NSL1: variants seen among roughly 807,000 people sequenced by gnomAD.
NSL1 encodes the protein kinetochore-associated protein NSL1 homolog.
A neutral mutation model predicts 25.4 loss-of-function variants in NSL1; 11 were observed. The ratio of observed to expected loss-of-function variants is 0.43; its 90% CI spans 0.27 to 0.72. The LOEUF (loss-of-function observed/expected upper bound fraction) is 0.72, where lower values mean the gene tolerates loss of function less well. NSL1 is among the 30% of genes least tolerant of loss of function. NSL1 has a pLI of 0.19. For synonymous variants in NSL1, 118 were observed against 120.6 expected (o/e 0.98, Z 0.14); for missense variants, 330 against 342.7 (o/e 0.96, Z 0.29).
chr1:212,731,422 C>T lies in NSL1; in HGVS notation c.*6986G>A. The stretch of plus-strand genomic sequence containing the variant: ...AATAAACTAGCCGGGCATGGTGGCA[C>T]ACGCCTGTTTTGAAACCCTGAGAAA... On this transcript the variant is annotated 3_prime_UTR_variant, in exon 6 of 6. Transcript: ENST00000366977. 1.0e-6 allele frequency: 1 copy of T among 985,260 alleles called. No individual in the cohort carries two copies. The highest frequency in any genetic ancestry group is 1.2e-6 in the Non-Finnish European group (1 of 829,862). The allele number at this position is 985,260 out of a possible 1,614,324, so 61.0% of individuals were successfully genotyped here.
At chr1:212,747,037 A>G (rs1658827663) in intron 4 of NSL1, among the ~76,000 whole-genome samples, 1 of 151,804 alleles carries the variant, frequency 6.6e-6, no homozygotes, top group Non-Finnish European at 1.5e-5. Flanking sequence ...CCCAGCTACA[A>G]GGGAGGCTGA....
Position 212,737,083 on chromosome 1 carries a change from C to A in NSL1, c.*1325G>T, listed in dbSNP as rs115135830. On this transcript the variant is annotated 3_prime_UTR_variant, in exon 6 of 6. Transcript: ENST00000366977. ...AACTGAAGTCTAGTATGTTCAGAAA[C>A]GCAGGGTGCTGACCCACCATCCAAC... The A allele has an allele frequency of 1.0e-6, 1 of 985,258 alleles. No homozygotes were observed. The highest frequency in any genetic ancestry group is 6.1e-5 in the Admixed American group (1 of 16,264). 61.0% of individuals were successfully genotyped at this position (985,258 alleles called of 1,614,324 possible). A position where few individuals can be genotyped will look rare whatever the true frequency, so the allele number is the denominator to read the frequency against.
In NSL1 at chr1:212,736,406, T is replaced by C. The variant is rs905488317; in HGVS notation, c.*2002A>G. The C allele has an allele frequency of 2.0e-6, 2 of 985,106 alleles. No homozygotes were observed. The highest frequency in any genetic ancestry group is 6.1e-5 in the Admixed American group (1 of 16,274). 61.0% of individuals were successfully genotyped at this position (985,106 alleles called of 1,614,324 possible). On this transcript the variant is annotated 3_prime_UTR_variant, in exon 6 of 6. Transcript: ENST00000366977. Reference sequence around the variant, plus strand: ...TAGAGCAAGATTTGATTTTCAATTTTTTCCTTCAACCTTTCCAATTCCTTA... The same window carrying C: ...TAGAGCAAGATTTGATTTTCAATTTCTTCCTTCAACCTTTCCAATTCCTTA...
At chr1:212,754,275 A>G (rs1433995950) in intron 4 of NSL1, among the ~76,000 whole-genome samples, 1 of 152,218 alleles carries the variant, frequency 6.6e-6, no homozygotes, top group African/African-American at 2.4e-5. Flanking sequence ...ATTTCAATGA[A>G]CCAGAAAAAA....
At chr1:212,762,998 G>A (rs751443164) in intron 4 of NSL1, among the ~76,000 whole-genome samples, 11 of 152,342 alleles carry the variant, frequency 7.2e-5, no homozygotes, top group Non-Finnish European at 1.5e-4. Flanking sequence ...CTACAGACAT[G>A]AGCAGAGGAG....
At chr1:212,770,321 A>G (rs1660043561) in intron 4 of NSL1, among the ~76,000 whole-genome samples, 1 of 152,064 alleles carries the variant, frequency 6.6e-6, no homozygotes, top group South Asian at 2.1e-4. Flanking sequence ...ATTGGAAACA[A>G]AAAAAGGAGG....
rs1021334349 is a variant in NSL1, at chr1:212,735,579, C to G, written c.*2829G>C. ...TTATGGACTCAATGTTTGTGTCCCC[C>G]TAAAATCTGTATGATGAAGCCTTAA... is the stretch of plus-strand genomic sequence containing the variant. On this transcript the variant is annotated 3_prime_UTR_variant, in exon 6 of 6. Coordinates refer to ENST00000366977, the MANE Select transcript of NSL1 (RefSeq NM_015471.4). 1.0e-6 allele frequency: 1 copy of G among 968,862 alleles called. No homozygotes were observed. Among genetic ancestry groups the G allele is most frequent in the Admixed American group, 6.2e-5 (1 of 16,258 alleles). 60.0% of individuals were successfully genotyped at this position (968,862 alleles called of 1,614,324 possible).
rs924267553 is a variant in NSL1, at chr1:212,727,562, A to C, written c.*10846T>G. 1.0e-6 allele frequency: 1 copy of C among 985,424 alleles called. No individual in the cohort carries two copies. 61.0% of individuals were successfully genotyped at this position (985,424 alleles called of 1,614,324 possible). A position where few individuals can be genotyped will look rare whatever the true frequency, so the allele number is the denominator to read the frequency against. ...ACAATGAATTAGACGTGTGCCACAT[A>C]CTTCTCTCAAAAACTTTATGACTCA... is the stretch of plus-strand genomic sequence containing the variant. On this transcript the variant is annotated 3_prime_UTR_variant, in exon 6 of 6. Coordinates refer to ENST00000366977, the MANE Select transcript of NSL1 (RefSeq NM_015471.4).
At chr1:212,743,547 T>C (rs796352474) in intron 4 of NSL1, among the ~76,000 whole-genome samples, 3 of 152,064 alleles carry the variant, frequency 2.0e-5, no homozygotes, top group Non-Finnish European at 2.9e-5. Flanking sequence ...ATATACTTCA[T>C]GTATATTCAA....
At chr1:212,750,719 C>A (rs1455639550) in intron 4 of NSL1, among the ~76,000 whole-genome samples, 1 of 152,086 alleles carries the variant, frequency 6.6e-6, no homozygotes, top group Non-Finnish European at 1.5e-5. Context: ...GCAGGTAAAT[C>A]ACCTGAGGTC....
rs964574366 is a variant in NSL1 at position 212,730,142 on chromosome 1, C to T, written c.*8266G>A. 2.9e-5 allele frequency: 24 copies of T among 838,372 alleles called. No homozygotes were observed. The highest frequency in any genetic ancestry group is 5.6e-5 in the South Asian group (1 of 17,868). The allele number at this position is 838,372 out of a possible 1,614,324, so 51.9% of individuals were successfully genotyped here. A position where few individuals can be genotyped will look rare whatever the true frequency, so the allele number is the denominator to read the frequency against. ...GCACGCGCCTGTAATCCCAGCTACT[C>T]GGGAGGCTAAGGCATGAGAACCTCT... On this transcript the variant is annotated 3_prime_UTR_variant, in exon 6 of 6. Coordinates refer to ENST00000366977, the MANE Select transcript of NSL1 (RefSeq NM_015471.4).
intron 4 of NSL1, among the ~76,000 whole-genome samples, chr1:212,742,347 T>C (rs1658544827): frequency 6.6e-6 from 1 of 152,050 alleles, no homozygotes; most frequent in African/African-American, 2.4e-5. Flanking sequence ...TAAAACTTAA[T>C]GTTACATAAG....
chr1:212,738,154 T>C lies in NSL1; in HGVS notation c.*254A>G, dbSNP rs1394998830. Reference sequence around the variant, plus strand: ...TTAAGGACAGTAAAAGTCTGCACTTTTAATATTTTTAATGCCCACTGATGG... The same window carrying C: ...TTAAGGACAGTAAAAGTCTGCACTTCTAATATTTTTAATGCCCACTGATGG... On this transcript the variant is annotated 3_prime_UTR_variant, in exon 6 of 6. Transcript: ENST00000366977. 3.4e-6 allele frequency: 4 copies of C among 1,168,074 alleles called. No individual in the cohort carries two copies. In the African/African-American group the frequency reaches 4.8e-5, roughly 14 times the overall value. The allele number at this position is 1,168,074 out of a possible 1,614,324, so 72.4% of individuals were successfully genotyped here.
In NSL1 at chr1:212,731,200, C is replaced by T. The variant is rs1322047753; in HGVS notation, c.*7208G>A. 1.1e-4 allele frequency: 101 copies of T among 939,650 alleles called. 1 individual carries two copies. The highest frequency in any genetic ancestry group is 1.2e-4 in the Non-Finnish European group (99 of 792,702). 58.2% of individuals were successfully genotyped at this position (939,650 alleles called of 1,614,324 possible). ...GTCAGAGGGGAGAAAAAAAAAAAAA[C>T]CTGAAGAAACCAAAACTAGAATTAT... is the stretch of plus-strand genomic sequence containing the variant. On this transcript the variant is annotated 3_prime_UTR_variant, in exon 6 of 6. Coordinates refer to ENST00000366977, the MANE Select transcript of NSL1 (RefSeq NM_015471.4).
intron 4 of NSL1, among the ~76,000 whole-genome samples, chr1:212,778,478 C>T (rs1660487999): frequency 1.3e-5 from 2 of 152,240 alleles, no homozygotes; most frequent in African/African-American, 2.4e-5. Context: ...GCTGCCATCT[C>T]GGCTCACTGC....
At chr1:212,757,400 G>C (rs1210804963) in intron 4 of NSL1, among the ~76,000 whole-genome samples, 1 of 152,156 alleles carries the variant, frequency 6.6e-6, no homozygotes, top group Non-Finnish European at 1.5e-5. Context: ...TGGATGGAAG[G>C]AGACCAGGGT....
intron 4 of NSL1, among the ~76,000 whole-genome samples, chr1:212,749,280 G>A (rs746770256): frequency 4.4e-4 from 64 of 143,854 alleles, no homozygotes; most frequent in Middle Eastern, 3.7e-3. Context: ...TTATTATATT[G>A]TTTACATTAC....
chr1:212,791,202 T>C (rs867784563), intron 1 of NSL1, among the ~76,000 whole-genome samples: 1 of 152,240 alleles, frequency 6.6e-6, no homozygotes, highest in Non-Finnish European at 1.5e-5. Context: ...TTTGATATTA[T>C]TACATGTTAA....
At chr1:212,775,976 C>T (rs1660346288) in intron 4 of NSL1, among the ~76,000 whole-genome samples, 1 of 152,036 alleles carries the variant, frequency 6.6e-6, no homozygotes, top group African/African-American at 2.4e-5. Flanking sequence ...TACAGGCGCC[C>T]ACCACTGCGC....
Sources: gnomAD v4.1 joint callset for allele counts (sites outside exome capture counted in the v4.1 genomes callset) on GRCh38, gnomAD v4.1.1 for gene constraint, MANE v1.5 for transcripts, NCBI Gene and HGNC (gene_info 2026-07-23, HGNC 2026-07-21) for gene names.